PSMB5: variants seen among roughly 807,000 people sequenced by gnomAD.
PSMB5 encodes proteasome 20S subunit beta 5, also known as proteasome subunit beta type-5.
PSMB5 carries 2 observed loss-of-function variants against 22.8 expected under a neutral mutation model. The observed-to-expected ratio is 0.09, with a 90% CI of 0.04 to 0.28. PSMB5 has a LOEUF of 0.28. Among genes scored for constraint, PSMB5 ranks in the 10% least tolerant of loss-of-function variants. PSMB5 has a pLI of 1.00. For synonymous variants in PSMB5, 133 were observed against 135.3 expected (o/e 0.98, Z 0.12); for missense variants, 269 against 343.8 (o/e 0.78, Z 1.72).
In PSMB5 at chr14:23,034,831, C is replaced by T; in HGVS notation, c.51G>A (p.Gly17=). ...LERPLPVNQR[G]FFGLGGRADL... Reference sequence around the variant, plus strand: ...CTGCACGACCCCCAAGTCCGAAAAACCCGCGCTGGTTCACCGGTAGCGGTC... The same window carrying T: ...CTGCACGACCCCCAAGTCCGAAAAATCCGCGCTGGTTCACCGGTAGCGGTC... Residue 17 remains glycine, a synonymous_variant, in exon 1 of 3, where the codon GGG becomes GGA. Coordinates refer to ENST00000361611, the MANE Select transcript of PSMB5 (RefSeq NM_002797.5). 6.2e-7 allele frequency: 1 copy of T among 1,614,248 alleles called. No homozygotes were observed. The highest frequency in any genetic ancestry group is 8.5e-7 in the Non-Finnish European group (1 of 1,180,048).
At chr14:23,034,434 AG>A in intron 1 of PSMB5, 1 of 471,666 alleles carries the variant, frequency 2.1e-6, no homozygotes. Context: ...GGGGTCGCCT[AG>A]GAATCAACCC....
At chr14:23,032,423 G>A (rs185120483) in intron 2 of PSMB5, among the ~76,000 whole-genome samples, 3 of 152,118 alleles carry the variant, frequency 2.0e-5, no homozygotes, top group African/African-American at 4.8e-5. Flanking sequence ...CAGACTGGAC[G>A]ATCGGAGTGA....
At chr14:23,033,771 C>T (rs1594716032) in intron 1 of PSMB5, 97 bp from the exon 2 acceptor site, 2 of 1,085,184 alleles carry the variant, frequency 1.8e-6, no homozygotes, top group East Asian at 2.6e-5. Context: ...CAGCACATCT[C>T]TTTCTCCGTC....
chr14:23,032,329 A>G (rs1488174554), intron 2 of PSMB5, among the ~76,000 whole-genome samples: 2 of 152,170 alleles, frequency 1.3e-5, no homozygotes, highest in Non-Finnish European at 2.9e-5. Flanking sequence ...TTGTAATCCC[A>G]GGTACTTGGG....
At position 23,033,791 on chromosome 14, in the gene PSMB5, T is replaced by C. The variant is rs530430598; in HGVS notation, c.199-117A>G. On this transcript the variant is annotated intron_variant, in intron 1 of 2. Transcript: ENST00000361611. ...CATCTCTTTCTCCGTCCTTTTATAC[T>C]TCACAGTATACTTCTATACTTCACC... The C allele has an allele frequency of 6.8e-6, 6 of 887,222 alleles. No individual in the cohort carries two copies. In the African/African-American group the frequency reaches 1.0e-4, roughly 15 times the overall value. 55.0% of individuals were successfully genotyped at this position (887,222 alleles called of 1,614,324 possible). A position where few individuals can be genotyped will look rare whatever the true frequency, so the allele number is the denominator to read the frequency against.
Position 23,034,803 on chromosome 14 carries a change from G to A in PSMB5, c.79C>T (p.Leu27=), listed in dbSNP as rs746752069. The A allele has an allele frequency of 3.7e-6, 6 of 1,614,252 alleles. No homozygotes were observed. Among genetic ancestry groups the A allele is most frequent in the East Asian group, 2.2e-5 (1 of 44,886 alleles). ...GFFGLGGRAD[L]LDLGPGSLSD... ...AGACTCCCTGGACCTAGATCCAGCA[G>A]ATCTGCACGACCCCCAAGTCCGAAA... The change falls in exon 1 of 3, where the codon CTG becomes TTG. Residue 27 remains leucine (L), a synonymous_variant. Coordinates refer to ENST00000361611, the MANE Select transcript of PSMB5 (RefSeq NM_002797.5).
In PSMB5 at chr14:23,026,337, C is replaced by A. The variant is rs968890668; in HGVS notation, c.544G>T (p.Gly182Trp). The change falls in exon 3 of 3, where the codon GGG (glycine) becomes TGG (tryptophan). Residue 182 changes from glycine (G) to tryptophan (W), a missense_variant. Physicochemically the swap from Gly to Trp is radical, Grantham distance 184 (BLOSUM62 -2). Around this residue, in one of 3 missense-constraint regions of PSMB5, gnomAD observed 113 missense variants for 130.2 expected, o/e 0.87. Coordinates refer to ENST00000361611, the MANE Select transcript of PSMB5 (RefSeq NM_002797.5). Reference protein sequence around the residue: ...YVDSEGNRISGATFSVGSGSV... With the variant: ...YVDSEGNRISWATFSVGSGSV... ...CCAGAACCTACAGAGAAGGTGGCCC[C>A]TGAAATCCGGTTCCCTTCACTGTCC... 2 of 1,614,082 alleles carry A rather than the reference C, an allele frequency of 1.2e-6. No individual in the cohort carries two copies. The highest frequency in any genetic ancestry group is 1.7e-6 in the Non-Finnish European group (2 of 1,180,026).
At chr14:23,026,851 G>A (rs188538907) in intron 2 of PSMB5, among the ~76,000 whole-genome samples, 1,863 of 149,854 alleles carry the variant, frequency 0.012, 47 homozygotes, top group African/African-American at 0.043. Flanking sequence ...GGGAGGCTGA[G>A]GTGGGCAGAT....
intron 2 of PSMB5, among the ~76,000 whole-genome samples, chr14:23,027,067 A>G (rs1790414844): frequency 8.0e-6 from 1 of 124,970 alleles, no homozygotes; most frequent in African/African-American, 3.1e-5. Flanking sequence ...GGGCAACAAG[A>G]GTGAAACGCT....
intron 2 of PSMB5, chr14:23,027,960 A>G (rs1049485111): frequency 9.7e-6 from 5 of 517,432 alleles, no homozygotes; most frequent in African/African-American, 2.0e-5. Flanking sequence ...CCTGACCAAC[A>G]TGGAGAAACC....
At chr14:23,027,667 G>T in intron 2 of PSMB5, 4 of 1,060,274 alleles carry the variant, frequency 3.8e-6, no homozygotes, top group Non-Finnish European at 4.0e-6. Flanking sequence ...AAAAAAACCT[G>T]AAGGAATAAA....
chr14:23,032,108 G>A (rs751400124), intron 2 of PSMB5, among the ~76,000 whole-genome samples: 8 of 151,990 alleles, frequency 5.3e-5, no homozygotes, highest in South Asian at 2.1e-4. Context: ...AAAAAAGAGA[G>A]GAGCCCAAAA....
intron 2 of PSMB5, 108 bp downstream of exon 2, chr14:23,033,260 A>G: frequency 8.5e-7 from 1 of 1,174,576 alleles, no homozygotes; most frequent in Non-Finnish European, 1.2e-6. Context: ...CTAAGGACCT[A>G]ATTACACTTC....
At position 23,026,292 on chromosome 14, in the gene PSMB5, C is replaced by G; in HGVS notation, c.589G>C (p.Val197Leu). 6.2e-7 allele frequency: 1 copy of G among 1,614,070 alleles called. No homozygotes were observed. The highest frequency in any genetic ancestry group is 1.1e-5 in the South Asian group (1 of 91,086). Residue 197 changes from valine (V) to leucine (L), a missense_variant, in exon 3 of 3, where the codon GTC becomes CTC. Physicochemically the swap from Val to Leu is conservative, Grantham distance 32. Around this residue, in one of 3 missense-constraint regions of PSMB5, gnomAD observed 113 missense variants for 130.2 expected, o/e 0.87. Coordinates refer to ENST00000361611, the MANE Select transcript of PSMB5 (RefSeq NM_002797.5). ...VGSGSVYAYG[V>L]MDRGYSYDLE... ...TCATAGGAATAGCCCCGATCCATGACCCCATATGCATACACAGAGCCAGAA... is the reference window on the plus strand; with the variant it reads ...TCATAGGAATAGCCCCGATCCATGAGCCCATATGCATACACAGAGCCAGAA...
At chr14:23,026,422 T>C (rs749583379) in intron 2 of PSMB5, 47 bp from the exon 3 acceptor site, 2 of 1,576,188 alleles carry the variant, frequency 1.3e-6, no homozygotes, top group African/African-American at 1.4e-5. Flanking sequence ...AGATCACCCC[T>C]TTTGATATCT....
chr14:23,031,308 T>C (rs2046951109), intron 2 of PSMB5, among the ~76,000 whole-genome samples: 1 of 152,242 alleles, frequency 6.6e-6, no homozygotes. Context: ...TATGGAACTG[T>C]CTTTTCCCAC....
chr14:23,033,610 T>C lies in PSMB5; in HGVS notation c.263A>G (p.Gln88Arg). ...GATCTCTATCACCTTCTTCACCGTC[T>C]GGGAGGCAATGTAAGCACCCGCTGT... ...RATAGAYIAS[Q>R]TVKKVIEINP... The change falls in exon 2 of 3, where the codon CAG (glutamine) becomes CGG (arginine). Residue 88 changes from glutamine (Q) to arginine (R), a missense_variant. Gln to Arg is a conservative substitution (Grantham distance 43). Transcript: ENST00000361611. 6.2e-7 allele frequency: 1 copy of C among 1,613,868 alleles called. No individual in the cohort carries two copies. The highest frequency in any genetic ancestry group is 1.1e-5 in the South Asian group (1 of 91,084).
chr14:23,028,146 A>AAAAC (rs60261589), intron 2 of PSMB5, among the ~76,000 whole-genome samples: 63,414 of 151,406 alleles, frequency 0.42, 17,192 homozygotes, highest in African/African-American at 0.78. Context: ...TCTGTCTCAA[A>AAAAC]AAACAAACAA....
intron 1 of PSMB5, among the ~76,000 whole-genome samples, chr14:23,034,171 T>C (rs1295222827): frequency 6.6e-6 from 1 of 151,560 alleles, no homozygotes; most frequent in East Asian, 1.9e-4. Flanking sequence ...GGAAACAGGT[T>C]CAATGAAATC....
Sources: gnomAD v4.1 joint callset for allele counts (sites outside exome capture counted in the v4.1 genomes callset) on GRCh38, gnomAD v4.1.1 for gene constraint, gnomAD v4.1.1 regional missense constraint, MANE v1.5 for transcripts, NCBI Gene and HGNC (gene_info 2026-07-23, HGNC 2026-07-21) for gene names.